The following MARK1 variants were observed in gnomAD, a reference collection of about 807,000 sequenced individuals.
MARK1 encodes serine/threonine-protein kinase MARK1.
MARK1 carries 40 observed loss-of-function variants against 96.3 expected under a neutral mutation model. That is an observed-to-expected ratio of 0.42 (90% CI 0.32 to 0.54). The LOEUF is 0.54. Ranked by LOEUF, MARK1 falls within the 20% of genes least tolerant of loss-of-function variation. The pLI, the probability that MARK1 is intolerant of heterozygous loss-of-function variation, is 0.16. For synonymous variants in MARK1, 317 were observed against 341.2 expected (o/e 0.93, Z 0.78); for missense variants, 719 against 984.6 (o/e 0.73, Z 3.61).
chr1:220,584,501 C>T (rs1032633195), intron 3 of MARK1, among the ~76,000 whole-genome samples: 5 of 152,092 alleles, frequency 3.3e-5, no homozygotes, highest in African/African-American at 1.2e-4. Flanking sequence ...ATCAAGTTAC[C>T]GCTCGTGTCT....
At chr1:220,606,579 T>C (rs1216660456) in intron 6 of MARK1, among the ~76,000 whole-genome samples, 1 of 152,230 alleles carries the variant, frequency 6.6e-6, no homozygotes, top group Admixed American at 6.5e-5. Flanking sequence ...CTTTTGGTGT[T>C]TTAGTCATGA....
chr1:220,630,410 G>C (rs955537250), intron 9 of MARK1, among the ~76,000 whole-genome samples: 1 of 152,028 alleles, frequency 6.6e-6, no homozygotes, highest in Non-Finnish European at 1.5e-5. Flanking sequence ...CCCCCACAAG[G>C]TTGCCTTTTA....
intron 1 of MARK1, among the ~76,000 whole-genome samples, chr1:220,540,982 G>A (rs542498417): frequency 9.9e-5 from 15 of 151,788 alleles, no homozygotes; most frequent in Admixed American, 4.6e-4. Context: ...CATCCAGGCT[G>A]GAGAGCTGTG....
At chr1:220,549,436 T>C (rs536626146) in intron 1 of MARK1, among the ~76,000 whole-genome samples, 10 of 152,374 alleles carry the variant, frequency 6.6e-5, no homozygotes, top group African/African-American at 2.4e-4. Flanking sequence ...TTTGCCAGTT[T>C]TAAGTGCATC....
intron 1 of MARK1, among the ~76,000 whole-genome samples, chr1:220,535,424 T>C (rs2102694037): frequency 6.6e-6 from 1 of 152,218 alleles, no homozygotes; most frequent in African/African-American, 2.4e-5. Context: ...AAATCAAGTT[T>C]TTTTAAATCA....
intron 1 of MARK1, among the ~76,000 whole-genome samples, chr1:220,551,760 ATATT>A (rs1313446602): frequency 1.3e-5 from 2 of 152,208 alleles, no homozygotes; most frequent in African/African-American, 4.8e-5. Context: ...TAAGGAAAAA[ATATT>A]TATAAGTATT....
At position 220,662,341 on chromosome 1, in the gene MARK1, A is replaced by G. The variant is rs1401826738; in HGVS notation, c.*175A>G. 7.0e-6 allele frequency: 4 copies of G among 569,828 alleles called. No homozygotes were observed. The highest frequency in any genetic ancestry group is 3.7e-5 in the African/African-American group (2 of 53,670). 35.3% of individuals were successfully genotyped at this position (569,828 alleles called of 1,614,324 possible). On this transcript the variant is annotated 3_prime_UTR_variant, in exon 18 of 18. Coordinates refer to ENST00000366917, the MANE Select transcript of MARK1 (RefSeq NM_018650.5). ...TGTAAAATTAAAGTCAGTATGAACT[A>G]TAATAAATATCTGTAGCTTAAAAAG...
intron 15 of MARK1, among the ~76,000 whole-genome samples, chr1:220,652,475 G>C (rs917742010): frequency 1.3e-5 from 2 of 152,118 alleles, no homozygotes; most frequent in African/African-American, 4.8e-5. Flanking sequence ...ACAAACACTA[G>C]ACTGTGAGTT....
At chr1:220,652,220 A>G in intron 15 of MARK1, 70 bp downstream of exon 15, 2 of 1,278,020 alleles carry the variant, frequency 1.6e-6, no homozygotes, top group Non-Finnish European at 2.2e-6. Flanking sequence ...GTGAAAATAC[A>G]TGATAGTCAC....
At chr1:220,578,763 A>G (rs1223445399) in intron 1 of MARK1, among the ~76,000 whole-genome samples, 2 of 152,234 alleles carry the variant, frequency 1.3e-5, no homozygotes, top group East Asian at 3.8e-4. Context: ...CTTTATAGGA[A>G]TAATGGTTTG....
intron 1 of MARK1, among the ~76,000 whole-genome samples, chr1:220,547,178 T>C (rs543768990): frequency 3.3e-5 from 5 of 152,272 alleles, no homozygotes; most frequent in Admixed American, 3.3e-4. Flanking sequence ...ATTAACTGAA[T>C]AGCACTACTA....
chr1:220,616,611 C>G (rs889855154), intron 7 of MARK1, among the ~76,000 whole-genome samples: 7 of 151,970 alleles, frequency 4.6e-5, no homozygotes, highest in Non-Finnish European at 7.4e-5. Flanking sequence ...TTCTGTTTTA[C>G]TTTTTTCCTC....
chr1:220,614,650 A>G (rs1389697002), intron 6 of MARK1, among the ~76,000 whole-genome samples: 1 of 152,040 alleles, frequency 6.6e-6, no homozygotes, highest in Non-Finnish European at 1.5e-5. Context: ...ATCAGATTGT[A>G]AGCGCCTTAA....
At chr1:220,562,368 G>T (rs1662730950) in intron 1 of MARK1, among the ~76,000 whole-genome samples, 2 of 152,200 alleles carry the variant, frequency 1.3e-5, no homozygotes, top group African/African-American at 4.8e-5. Context: ...TACTTGGAAG[G>T]TTGAGTCACG....
At chr1:220,647,805 C>T (rs1668662369) in intron 13 of MARK1, among the ~76,000 whole-genome samples, 1 of 152,118 alleles carries the variant, frequency 6.6e-6, no homozygotes, top group Non-Finnish European at 1.5e-5. Flanking sequence ...AGAAAACCAA[C>T]ACCACATGTT....
chr1:220,611,464 T>C (rs1198623565), intron 6 of MARK1, among the ~76,000 whole-genome samples: 4 of 152,182 alleles, frequency 2.6e-5, no homozygotes, highest in Admixed American at 2.6e-4. Context: ...TGTCCCGTTT[T>C]TCCAGGTAGT....
chr1:220,559,507 A>G (rs1233097631), intron 1 of MARK1, among the ~76,000 whole-genome samples: 1 of 152,226 alleles, frequency 6.6e-6, no homozygotes, highest in Non-Finnish European at 1.5e-5. Context: ...TTGGAAAGGG[A>G]CATGTGGTCA....
At chr1:220,528,920 C>T (rs756626003) in intron 1 of MARK1, 47 bp downstream of exon 1, 12 of 1,507,316 alleles carry the variant, frequency 8.0e-6, no homozygotes, top group South Asian at 6.3e-5. Flanking sequence ...CGAGACCCTC[C>T]TCTGATCCCC....
intron 5 of MARK1, 141 bp from the exon 6 acceptor site, chr1:220,603,926 G>T: frequency 6.2e-6 from 3 of 482,806 alleles, no homozygotes; most frequent in African/African-American, 2.0e-5. Flanking sequence ...CTATTCATGT[G>T]TTAGTTTGTA....
Sources: allele counts gnomAD v4.1 joint callset (sites outside exome capture counted in the v4.1 genomes callset), GRCh38; gene constraint gnomAD v4.1.1; transcripts MANE v1.5; gene names NCBI Gene and HGNC (gene_info 2026-07-23, HGNC 2026-07-21).